CTBP2: variants seen among roughly 807,000 people sequenced by gnomAD.
CTBP2 encodes C-terminal-binding protein 2.
In CTBP2, 30 loss-of-function variants were observed where a neutral mutation model predicts 80.3. The observed-to-expected ratio is 0.37, with a 90% confidence interval of 0.28 to 0.51. The LOEUF is 0.51. Among genes scored for constraint, CTBP2 ranks in the 20% least tolerant of loss-of-function variants. The pLI, the probability that CTBP2 is intolerant of heterozygous loss-of-function variation, is 0.93. For synonymous variants in CTBP2, 594 were observed against 587.4 expected (o/e 1.01, Z -0.16); for missense variants, 1,212 against 1,375.3 (o/e 0.88, Z 1.88).
intron 1 of CTBP2, chr10:125,159,844 G>A (rs1392042899): frequency 1.3e-5 from 2 of 151,156 alleles, no homozygotes; most frequent in South Asian, 3.5e-4. Flanking sequence ...GCGGCCCCCG[G>A]GCGCGCACCC....
At chr10:125,060,157 T>A (rs1282546805) in intron 2 of CTBP2, among the ~76,000 whole-genome samples, 1 of 152,182 alleles carries the variant, frequency 6.6e-6, no homozygotes. Flanking sequence ...ACGCAGCTGA[T>A]GTACACAAGC....
chr10:125,098,264 G>GAC (rs1169153060), intron 2 of CTBP2, among the ~76,000 whole-genome samples: 1 of 152,122 alleles, frequency 6.6e-6, no homozygotes, highest in Non-Finnish European at 1.5e-5. Flanking sequence ...CAGGTGTGTG[G>GAC]ACCCAGCACG....
chr10:125,006,386 C>A (rs1052645312), intron 1 of CTBP2, among the ~76,000 whole-genome samples: 4 of 152,132 alleles, frequency 2.6e-5, no homozygotes, highest in African/African-American at 9.7e-5. Flanking sequence ...ACCCCCAAGC[C>A]CTGGGCATGA....
intron 3 of CTBP2, chr10:124,999,353 T>G (rs537291474): frequency 6.6e-6 from 1 of 152,076 alleles, no homozygotes; most frequent in Admixed American, 6.5e-5. Flanking sequence ...AGGATTCCTC[T>G]ATCTTAAGTC....
At chr10:125,143,834 G>A (rs932645885) in intron 1 of CTBP2, among the ~76,000 whole-genome samples, 6 of 151,970 alleles carry the variant, frequency 3.9e-5, no homozygotes, top group African/African-American at 1.2e-4. Context: ...GTCCAAAAGC[G>A]GCCCCAAAAG....
chr10:125,059,084 G>C (rs1057355947), intron 2 of CTBP2, among the ~76,000 whole-genome samples: 3 of 152,158 alleles, frequency 2.0e-5, no homozygotes, highest in African/African-American at 7.2e-5. Flanking sequence ...TGAACCTTCT[G>C]GAGACGGCAC....
chr10:125,069,972 G>C (rs1845212887), intron 2 of CTBP2, among the ~76,000 whole-genome samples: 1 of 148,146 alleles, frequency 6.8e-6, no homozygotes, highest in African/African-American at 2.5e-5. Flanking sequence ...GATAACAATG[G>C]ATCAATTACT....
intron 8 of CTBP2, among the ~76,000 whole-genome samples, chr10:124,990,193 C>T (rs1304401472): frequency 1.3e-5 from 2 of 151,856 alleles, no homozygotes; most frequent in African/African-American, 4.8e-5. Flanking sequence ...TACAGGTGTG[C>T]GCTACCACAC....
At chr10:125,034,207 GT>G (rs1958585007) in intron 3 of CTBP2, among the ~76,000 whole-genome samples, 1 of 152,260 alleles carries the variant, frequency 6.6e-6, no homozygotes, top group Non-Finnish European at 1.5e-5. Flanking sequence ...CGGGAGGGCA[GT>G]CTATGAACCC....
At chr10:124,994,800 G>C (rs1240163473) in intron 4 of CTBP2, 117 bp from the exon 7 acceptor site, 2 of 1,019,212 alleles carry the variant, frequency 2.0e-6, no homozygotes, top group Non-Finnish European at 3.0e-6. Flanking sequence ...GCTGCTGCCA[G>C]AGAAACCGTG....
chr10:125,078,287 A>T (rs1362989461), intron 2 of CTBP2, among the ~76,000 whole-genome samples: 1 of 150,282 alleles, frequency 6.7e-6, no homozygotes, highest in Non-Finnish European at 1.5e-5. Context: ...CTCAAAAAAA[A>T]AAAAAAAAAA....
At chr10:125,082,151 C>T (rs1396936821) in intron 2 of CTBP2, among the ~76,000 whole-genome samples, 5 of 152,238 alleles carry the variant, frequency 3.3e-5, no homozygotes, top group Admixed American at 6.5e-5. Context: ...CAGGGCTGGC[C>T]ACGCCGGAGC....
At chr10:125,070,539 A>C (rs1845308303) in intron 2 of CTBP2, among the ~76,000 whole-genome samples, 1 of 150,896 alleles carries the variant, frequency 6.6e-6, no homozygotes, top group South Asian at 2.1e-4. Flanking sequence ...CCTGGGTGAC[A>C]GTGAGACTCA....
In CTBP2 at chr10:124,987,036, G is replaced by A. The variant is rs1306690169; in HGVS notation, c.*2482C>T. 6.6e-6 allele frequency: 1 copy of A among 152,530 alleles called. No individual in the cohort carries two copies. The allele number at this position is 152,530 out of a possible 1,614,324, so 9.4% of individuals were successfully genotyped here. On this transcript the variant is annotated 3_prime_UTR_variant, in exon 9 of 9. Transcript: ENST00000309035. Reference sequence around the variant, plus strand: ...TGATAGGTGCAGCATTCTTCCCTGTGGGAAAGAATTAAAGATGGTTCCATT... The same window carrying A: ...TGATAGGTGCAGCATTCTTCCCTGTAGGAAAGAATTAAAGATGGTTCCATT...
At chr10:125,056,530 G>C (rs536189392) in intron 2 of CTBP2, among the ~76,000 whole-genome samples, 43 of 152,344 alleles carry the variant, frequency 2.8e-4, no homozygotes, top group Non-Finnish European at 5.1e-4. Flanking sequence ...CCCAGAGCCT[G>C]TAAGATAACA....
intron 2 of CTBP2, among the ~76,000 whole-genome samples, chr10:125,061,718 G>A (rs940492347): frequency 1.3e-5 from 2 of 152,206 alleles, no homozygotes; most frequent in African/African-American, 4.8e-5. Flanking sequence ...GGACCTGTGA[G>A]CTGGCCTGCA....
intron 1 of CTBP2, among the ~76,000 whole-genome samples, chr10:125,004,307 G>A (rs926921841): frequency 5.3e-5 from 8 of 152,182 alleles, no homozygotes; most frequent in African/African-American, 9.7e-5. Context: ...GCATGCTTGC[G>A]CCCCGTGCAC....
At chr10:125,068,271 A>G (rs1453604162) in intron 2 of CTBP2, among the ~76,000 whole-genome samples, 1 of 152,224 alleles carries the variant, frequency 6.6e-6, no homozygotes, top group Non-Finnish European at 1.5e-5. Context: ...CACAGGGTGA[A>G]CACCATACAA....
rs1429703738 is a variant in CTBP2, at chr10:124,984,659, A to G, written c.*4859T>C. The stretch of plus-strand genomic sequence containing the variant: ...GAGGTCAAAACCATGTGAAAAGTTG[A>G]TTGCTTTGGCCTTTTCATGAGTTAG... On this transcript the variant is annotated 3_prime_UTR_variant, in exon 9 of 9. Coordinates refer to ENST00000309035, the MANE Select transcript of CTBP2 (RefSeq NM_022802.3). 1.9e-6 allele frequency: 2 copies of G among 1,028,826 alleles called. No individual in the cohort carries two copies. Among genetic ancestry groups the G allele is most frequent in the Admixed American group, 5.6e-5 (2 of 35,630 alleles). 63.7% of individuals were successfully genotyped at this position (1,028,826 alleles called of 1,614,324 possible). A position where few individuals can be genotyped will look rare whatever the true frequency, so the allele number is the denominator to read the frequency against.
Sources: gnomAD v4.1 joint callset for allele counts (sites outside exome capture counted in the v4.1 genomes callset) on GRCh38, gnomAD v4.1.1 for gene constraint, MANE v1.5 for transcripts, NCBI Gene and HGNC (gene_info 2026-07-23, HGNC 2026-07-21) for gene names.